Variants in FGD4 observed in about 807,000 individuals in gnomAD.
The protein encoded by FGD4 is FYVE, RhoGEF and PH domain-containing protein 4.
In FGD4, 42 loss-of-function variants were observed where a neutral mutation model predicts 102.0. The observed-to-expected ratio is 0.41, with a 90% CI of 0.32 to 0.53. The LOEUF is 0.53. Ranked by LOEUF, FGD4 falls within the 20% of genes least tolerant of loss-of-function variation. The probability of loss-of-function intolerance (pLI) is 0.21; values close to 1 mark genes in which losing one functional copy is unlikely to be tolerated. For missense variants in FGD4, 902 were observed against 1,078.2 expected, an observed-to-expected ratio of 0.84 and a Z score of 2.29; for synonymous variants, 380 against 375.7, an observed-to-expected ratio of 1.01 and a Z score of -0.13.
At chr12:32,444,979 G>A (rs1942570315) in intron 1 of FGD4, among the ~76,000 whole-genome samples, 1 of 152,114 alleles carries the variant, frequency 6.6e-6, no homozygotes, top group Admixed American at 6.6e-5. Context: ...TAGCAAAATC[G>A]AGATAGAATA....
At chr12:32,569,981 G>A (rs1470409459) in intron 2 of FGD4, among the ~76,000 whole-genome samples, 3 of 152,012 alleles carry the variant, frequency 2.0e-5, no homozygotes, top group Admixed American at 6.6e-5. Flanking sequence ...GGTGGCTCAC[G>A]CCTGTAATCC....
intron 1 of FGD4, among the ~76,000 whole-genome samples, chr12:32,461,753 G>A (rs1591947163): frequency 6.6e-6 from 1 of 152,126 alleles, no homozygotes; most frequent in East Asian, 1.9e-4. Context: ...TTTAGATGGA[G>A]TCTTGCTCTG....
At chr12:32,519,660 G>A (rs1940294001) in intron 1 of FGD4, among the ~76,000 whole-genome samples, 1 of 152,018 alleles carries the variant, frequency 6.6e-6, no homozygotes, top group Non-Finnish European at 1.5e-5. Flanking sequence ...AAATAAAGCT[G>A]GGCACGGTGG....
intron 1 of FGD4, among the ~76,000 whole-genome samples, chr12:32,482,630 TAC>T (rs1211497583): frequency 1.3e-5 from 2 of 152,200 alleles, no homozygotes; most frequent in African/African-American, 4.8e-5. Flanking sequence ...GTAGATTAAA[TAC>T]AGAGTTTCCA....
At chr12:32,618,668 C>A (rs1255011078) in intron 10 of FGD4, among the ~76,000 whole-genome samples, 2 of 151,914 alleles carry the variant, frequency 1.3e-5, no homozygotes, top group African/African-American at 4.8e-5. Flanking sequence ...CCTGTATCTA[C>A]AAAAAAAATT....
chr12:32,499,838 A>G (rs901316060), intron 1 of FGD4, among the ~76,000 whole-genome samples: 6 of 152,158 alleles, frequency 3.9e-5, no homozygotes, highest in African/African-American at 1.4e-4. Flanking sequence ...CAGCATGGCG[A>G]AACTCCGTCT....
intron 1 of FGD4, among the ~76,000 whole-genome samples, chr12:32,459,062 A>T (rs780243611): frequency 6.6e-6 from 1 of 152,144 alleles, no homozygotes; most frequent in Non-Finnish European, 1.5e-5. Flanking sequence ...ATACCTTCAG[A>T]AATCTCTTGA....
chr12:32,635,017 A>C (rs1472743373), intron 15 of FGD4, among the ~76,000 whole-genome samples: 1 of 152,170 alleles, frequency 6.6e-6, no homozygotes, highest in African/African-American at 2.4e-5. Flanking sequence ...AGAATCAGTA[A>C]GTATTTATTG....
intron 1 of FGD4, among the ~76,000 whole-genome samples, chr12:32,482,373 C>G (rs1943791743): frequency 6.6e-6 from 1 of 152,148 alleles, no homozygotes; most frequent in Non-Finnish European, 1.5e-5. Context: ...TTCTTAGTGA[C>G]CAGCTTACCA....
intron 16 of FGD4, among the ~76,000 whole-genome samples, chr12:32,639,554 T>C (rs1951044869): frequency 6.6e-6 from 1 of 152,210 alleles, no homozygotes; most frequent in Non-Finnish European, 1.5e-5. Flanking sequence ...AAAATCAGTC[T>C]TGCATTATCA....
chr12:32,444,975 A>T (rs1942570062), intron 1 of FGD4, among the ~76,000 whole-genome samples: 1 of 152,238 alleles, frequency 6.6e-6, no homozygotes. Flanking sequence ...CATTTAGCAA[A>T]ATCGAGATAG....
chr12:32,561,563 ACT>A (rs1353592632), intron 1 of FGD4, among the ~76,000 whole-genome samples: 1 of 152,092 alleles, frequency 6.6e-6, no homozygotes, highest in Non-Finnish European at 1.5e-5. Context: ...AAAAAATGAA[ACT>A]CTTTGTTTCT....
intron 1 of FGD4, among the ~76,000 whole-genome samples, chr12:32,490,521 C>T (rs1944052079): frequency 6.6e-6 from 1 of 151,664 alleles, no homozygotes; most frequent in African/African-American, 2.4e-5. Context: ...GCCTCAGCCT[C>T]CTGAGTAGCT....
intron 1 of FGD4, among the ~76,000 whole-genome samples, chr12:32,404,481 G>T (rs556517479): frequency 6.6e-6 from 1 of 152,032 alleles, no homozygotes; most frequent in South Asian, 2.1e-4. Context: ...AAAATAGGTG[G>T]TATTATTACA....
intron 1 of FGD4, among the ~76,000 whole-genome samples, chr12:32,543,973 A>C (rs1231940952): frequency 1.3e-5 from 2 of 152,176 alleles, no homozygotes; most frequent in African/African-American, 2.4e-5. Flanking sequence ...GAAACCAGAG[A>C]TCAAGTATAT....
At chr12:32,491,719 A>G (rs1944100585) in intron 1 of FGD4, among the ~76,000 whole-genome samples, 1 of 152,176 alleles carries the variant, frequency 6.6e-6, no homozygotes, top group African/African-American at 2.4e-5. Context: ...GTGGGCTATA[A>G]TGTTCCTAGG....
chr12:32,478,040 G>GA (rs913732739), intron 1 of FGD4, among the ~76,000 whole-genome samples: 4 of 151,876 alleles, frequency 2.6e-5, no homozygotes, highest in Non-Finnish European at 5.9e-5. Flanking sequence ...GTTCTGTTTA[G>GA]AAAAAAAATA....
chr12:32,466,058 G>T (rs747228096), intron 1 of FGD4, among the ~76,000 whole-genome samples: 1 of 152,144 alleles, frequency 6.6e-6, no homozygotes, highest in Non-Finnish European at 1.5e-5. Flanking sequence ...GATTATAGGC[G>T]TGAGCTACTG....
chr12:32,570,370 C>T lies in FGD4; in HGVS notation c.320-5896C>T, dbSNP rs1945560965. Among the ~76,000 whole-genome samples, 3 of 151,208 alleles carry T rather than the reference C, an allele frequency of 2.0e-5. No individual in the cohort carries two copies. The South Asian group carries it at 6.2e-4, about 31-fold the overall frequency. The stretch of plus-strand genomic sequence containing the variant: ...ATAAGTGAGGGTGAACACCATTTTT[C>T]CTGTCTATATCCTTTGGACTGTTAG... On this transcript the variant is annotated intron_variant, in intron 2 of 16. Coordinates refer to ENST00000534526, the MANE Select transcript of FGD4 (RefSeq NM_001370298.3).
Sources: allele counts gnomAD v4.1 joint callset (sites outside exome capture counted in the v4.1 genomes callset), GRCh38; gene constraint gnomAD v4.1.1; transcripts MANE v1.5; gene names NCBI Gene and HGNC (gene_info 2026-07-23, HGNC 2026-07-21).